Variants in HDAC4 observed in about 807,000 individuals in gnomAD.
HDAC4 encodes histone deacetylase A.
HDAC4 carries 16 observed loss-of-function variants against 135.1 expected under a neutral mutation model. The observed-to-expected ratio is 0.12, with a 90% CI of 0.08 to 0.18. HDAC4 has a LOEUF of 0.18. Among genes scored for constraint, HDAC4 ranks in the 10% least tolerant of loss-of-function variants. The probability of loss-of-function intolerance (pLI) is 1.00; values close to 1 mark genes in which losing one functional copy is unlikely to be tolerated. For missense variants in HDAC4, 1,143 were observed against 1,511.8 expected (o/e 0.76, Z 4.05); for synonymous variants, 685 against 653.4 (o/e 1.05, Z -0.74).
intron 2 of HDAC4, among the ~76,000 whole-genome samples, chr2:239,274,964 C>T (rs2050266781): frequency 6.6e-6 from 1 of 152,200 alleles, no homozygotes; most frequent in South Asian, 2.1e-4. Flanking sequence ...TGCAAAGAGC[C>T]CTGTCCTGGA....
chr2:239,272,174 C>G (rs2050094786), intron 2 of HDAC4, among the ~76,000 whole-genome samples: 3 of 152,200 alleles, frequency 2.0e-5, no homozygotes, highest in Non-Finnish European at 4.4e-5. Flanking sequence ...CCCAGAGAAG[C>G]CTTTTAGCAT....
Position 239,073,370 on chromosome 2 carries a change from G to A in HDAC4, c.2751-4763C>T, listed in dbSNP as rs75335026. ...CAAGGTGAATCTAGACAGGGGCAGCGAGCTTCCTGCCACGGGTCAGATAGG... is the reference window on the plus strand; with the variant it reads ...CAAGGTGAATCTAGACAGGGGCAGCAAGCTTCCTGCCACGGGTCAGATAGG... On this transcript the variant is annotated intron_variant, in intron 22 of 26. Coordinates refer to ENST00000543185, the MANE Select transcript of HDAC4 (RefSeq NM_001378414.1). Among the ~76,000 whole-genome samples, 753 of 152,348 alleles carry A rather than the reference G, an allele frequency of 4.9e-3. 7 individuals carry two copies. Among genetic ancestry groups the A allele is most frequent in the African/African-American group, 0.017 (718 of 41,590 alleles).
chr2:239,345,779 T>C (rs1692592086), intron 2 of HDAC4, among the ~76,000 whole-genome samples: 1 of 110,460 alleles, frequency 9.1e-6, no homozygotes, highest in African/African-American at 3.5e-5. Flanking sequence ...ACACATGCAC[T>C]CAAACACACA....
At position 239,372,824 on chromosome 2, in the gene HDAC4, C is replaced by T. The variant is rs190605739; in HGVS notation, c.-219-19906G>A. ...ATACACACACACGCACACACATGCTCACAATGCACACATGTGCACATATGT... is the reference window on the plus strand; with the variant it reads ...ATACACACACACGCACACACATGCTTACAATGCACACATGTGCACATATGT... On this transcript the variant is annotated intron_variant, in intron 1 of 26. Coordinates refer to ENST00000543185, the MANE Select transcript of HDAC4 (RefSeq NM_001378414.1). Among the ~76,000 whole-genome samples the T allele has an allele frequency of 2.6e-5, 4 of 152,336 alleles. No individual in the cohort carries two copies. In the East Asian group the frequency reaches 5.8e-4, roughly 22 times the overall value.
At chr2:239,372,743 A>G (rs1325536226) in intron 1 of HDAC4, among the ~76,000 whole-genome samples, 1 of 151,876 alleles carries the variant, frequency 6.6e-6, no homozygotes, top group East Asian at 1.9e-4. Flanking sequence ...ACCATCAAAC[A>G]CCCAACAGGA....
intron 6 of HDAC4, among the ~76,000 whole-genome samples, chr2:239,157,853 A>T (rs1003803151): frequency 6.6e-6 from 1 of 152,168 alleles, no homozygotes; most frequent in Non-Finnish European, 1.5e-5. Flanking sequence ...GAACTCATAG[A>T]CAAAATTGAG....
intron 5 of HDAC4, among the ~76,000 whole-genome samples, chr2:239,166,241 A>C (rs1396553423): frequency 6.6e-6 from 1 of 152,202 alleles, no homozygotes; most frequent in Non-Finnish European, 1.5e-5. Context: ...GGGTCTACCC[A>C]GGCTGTGGTG....
chr2:239,142,317 C>T (rs889502779), intron 8 of HDAC4, among the ~76,000 whole-genome samples: 1 of 152,136 alleles, frequency 6.6e-6, no homozygotes, highest in Admixed American at 6.5e-5. Context: ...TTCTGGAAAT[C>T]GGCTCCACTC....
chr2:239,393,100 C>A (rs1696338153), intron 1 of HDAC4, among the ~76,000 whole-genome samples: 1 of 152,174 alleles, frequency 6.6e-6, no homozygotes, highest in African/African-American at 2.4e-5. Context: ...CGTCTCAGAG[C>A]CACAGGACTG....
At chr2:239,355,698 TGA>T (rs1444580490) in intron 1 of HDAC4, among the ~76,000 whole-genome samples, 3 of 152,116 alleles carry the variant, frequency 2.0e-5, no homozygotes, top group Non-Finnish European at 2.9e-5. Context: ...GGTCCAAAGG[TGA>T]GGTTTGTTTC....
chr2:239,176,097 C>A (rs1216645337), intron 5 of HDAC4, among the ~76,000 whole-genome samples: 1 of 152,162 alleles, frequency 6.6e-6, no homozygotes, highest in Non-Finnish European at 1.5e-5. Context: ...TTTCCCTACT[C>A]CCCGTGTGCT....
intron 2 of HDAC4, among the ~76,000 whole-genome samples, chr2:239,260,041 C>A (rs558426335): frequency 1.1e-4 from 16 of 152,354 alleles, no homozygotes; most frequent in Admixed American, 5.9e-4. Context: ...TTGCCTTCCA[C>A]CCCCAACGCT....
At chr2:239,381,307 A>T (rs1322390717) in intron 1 of HDAC4, among the ~76,000 whole-genome samples, 2 of 152,258 alleles carry the variant, frequency 1.3e-5, no homozygotes, top group African/African-American at 4.8e-5. Flanking sequence ...AGTCACTACA[A>T]CACAAACATG....
At chr2:239,136,129 A>G (rs561447199) in intron 9 of HDAC4, among the ~76,000 whole-genome samples, 2 of 152,358 alleles carry the variant, frequency 1.3e-5, no homozygotes, top group South Asian at 4.1e-4. Flanking sequence ...AAAGAGAAGG[A>G]ATAAAATGTT....
At chr2:239,192,729 G>A (rs1287208518) in intron 3 of HDAC4, among the ~76,000 whole-genome samples, 2 of 152,174 alleles carry the variant, frequency 1.3e-5, no homozygotes, top group African/African-American at 4.8e-5. Flanking sequence ...TGGGACCAGT[G>A]CCCTGCAGTG....
chr2:239,253,297 C>T (rs993879654), intron 2 of HDAC4, among the ~76,000 whole-genome samples: 2 of 152,186 alleles, frequency 1.3e-5, no homozygotes, highest in Admixed American at 6.5e-5. Context: ...TGGTTTTATA[C>T]CCATAAAGTC....
intron 1 of HDAC4, among the ~76,000 whole-genome samples, chr2:239,361,201 A>G (rs1693845088): frequency 6.6e-6 from 1 of 152,174 alleles, no homozygotes; most frequent in Admixed American, 6.5e-5. Flanking sequence ...GGCCCAAGGC[A>G]CACAGTAGGC....
intron 1 of HDAC4, among the ~76,000 whole-genome samples, chr2:239,373,101 G>A (rs142117380): frequency 1.6e-4 from 24 of 152,302 alleles, no homozygotes; most frequent in African/African-American, 4.1e-4. Flanking sequence ...GCCCTGTGGA[G>A]CACAGCCCTG....
At chr2:239,074,023 A>G (rs575791699) in intron 22 of HDAC4, among the ~76,000 whole-genome samples, 18 of 118,336 alleles carry the variant, frequency 1.5e-4, no homozygotes, top group South Asian at 1.5e-3. Context: ...GACTGAGGGG[A>G]GCAGCAGGAC....
Sources: allele counts gnomAD v4.1 joint callset (sites outside exome capture counted in the v4.1 genomes callset), GRCh38; gene constraint gnomAD v4.1.1; transcripts MANE v1.5; gene names NCBI Gene and HGNC (gene_info 2026-07-23, HGNC 2026-07-21).